Variants in P2RY6 observed in about 807,000 individuals in gnomAD.
P2RY6 encodes the protein pyrimidinergic receptor P2Y6.
In P2RY6, 19 loss-of-function variants were observed where a neutral mutation model predicts 16.3. The ratio of observed to expected loss-of-function variants is 1.16; its 90% CI spans 0.81 to 1.71. The LOEUF is 1.71. P2RY6 is among the 40% of genes most tolerant of loss of function. P2RY6 has a pLI of 0.00. For missense variants in P2RY6, 389 were observed against 455.5 expected (o/e 0.85, Z 1.33); for synonymous variants, 184 against 201.5 (o/e 0.91, Z 0.74).
intron 1 of P2RY6, among the ~76,000 whole-genome samples, chr11:73,279,173 T>A (rs1863659105): frequency 6.6e-6 from 1 of 152,200 alleles, no homozygotes; most frequent in Admixed American, 6.5e-5. Context: ...TTGTATATCT[T>A]CTTTGGAAAA....
At position 73,296,974 on chromosome 11, in the gene P2RY6, G is replaced by A. The variant is rs772176120; in HGVS notation, c.456G>A (p.Trp152Ter). The A allele has an allele frequency of 6.2e-7, 1 of 1,602,566 alleles. No individual in the cohort carries two copies. Among genetic ancestry groups the A allele is most frequent in the South Asian group, 1.1e-5 (1 of 91,084 alleles). Residue 152 changes from tryptophan to a stop codon, truncating the protein, a stop_gained, in exon 3 of 3, where the codon TGG becomes TGA. Transcript: ENST00000540124. LOFTEE classifies it high-confidence loss of function. ...CCTGGCTAGTGTGTGTAGCCGTGTGGCTGGCCGTGACAACCCAGTGCCTGC... is the reference window on the plus strand; with the variant it reads ...CCTGGCTAGTGTGTGTAGCCGTGTGACTGGCCGTGACAACCCAGTGCCTGC... ...RAAWLVCVAV[W>*]LAVTTQCLPT...
chr11:73,274,315 C>T (rs548732158), intron 1 of P2RY6, among the ~76,000 whole-genome samples: 7 of 151,988 alleles, frequency 4.6e-5, no homozygotes, highest in Admixed American at 2.6e-4. Context: ...AATGAAATAA[C>T]GTGAATAAAT....
At chr11:73,275,282 G>A (rs528089922) in intron 1 of P2RY6, among the ~76,000 whole-genome samples, 5 of 152,280 alleles carry the variant, frequency 3.3e-5, no homozygotes, top group East Asian at 3.8e-4. Context: ...GGCCTGGGAC[G>A]GAGTGGTGGC....
At chr11:73,277,117 T>A (rs2135705607) in intron 1 of P2RY6, among the ~76,000 whole-genome samples, 1 of 75,146 alleles carries the variant, frequency 1.3e-5, no homozygotes, top group South Asian at 2.8e-4. Context: ...GAAATACAGA[T>A]TTTTTTTTTT....
chr11:73,289,821 C>G (rs1272720348), intron 1 of P2RY6, among the ~76,000 whole-genome samples: 1 of 152,202 alleles, frequency 6.6e-6, no homozygotes, highest in African/African-American at 2.4e-5. Flanking sequence ...ACTCACTGGC[C>G]CTTCCTGAGC....
intron 1 of P2RY6, among the ~76,000 whole-genome samples, chr11:73,288,567 G>A (rs771430804): frequency 1.4e-4 from 22 of 152,178 alleles, no homozygotes; most frequent in African/African-American, 4.3e-4. Flanking sequence ...CTCTGCTTCC[G>A]GCCCTCTGTC....
chr11:73,296,609 C>T lies in P2RY6; in HGVS notation c.91C>T (p.Pro31Ser). 1 of 1,614,264 alleles carries T rather than the reference C, an allele frequency of 6.2e-7. No individual in the cohort carries two copies. Among genetic ancestry groups the T allele is most frequent in the Non-Finnish European group, 8.5e-7 (1 of 1,180,054 alleles). ...RENFKQLLLP[P>S]VYSAVLAAGL... ...GAACTTCAAGCAACTGCTGCTGCCA[C>T]CTGTGTATTCGGCGGTGCTGGCGGC... is the stretch of plus-strand genomic sequence containing the variant. The change falls in exon 3 of 3, where the codon CCT (proline) becomes TCT (serine). Residue 31 changes from proline (P) to serine (S), a missense_variant. Physicochemically the swap from Pro to Ser is moderately conservative, Grantham distance 74 (BLOSUM62 -1). Coordinates refer to ENST00000540124, the MANE Select transcript of P2RY6 (RefSeq NM_001277204.2).
intron 1 of P2RY6, among the ~76,000 whole-genome samples, chr11:73,272,871 C>T (rs1280842910): frequency 6.6e-6 from 1 of 152,098 alleles, no homozygotes; most frequent in African/African-American, 2.4e-5. Flanking sequence ...TCTCTCCCTG[C>T]GTATGTGAAC....
chr11:73,267,685 CA>C (rs2135677439), upstream of P2RY6, among the ~76,000 whole-genome samples: 1 of 152,300 alleles, frequency 6.6e-6, no homozygotes, highest in African/African-American at 2.4e-5. Context: ...CCAAAATTCA[CA>C]GTGATTAGCT....
chr11:73,297,468 A>G lies in P2RY6; in HGVS notation c.950A>G (p.Gln317Arg). 2 of 1,611,198 alleles carry G rather than the reference A, an allele frequency of 1.2e-6. No individual in the cohort carries two copies. The highest frequency in any genetic ancestry group is 1.3e-5 in the African/African-American group (1 of 75,038). ...CGCCGGCGACCACATGAGCTCCTAC[A>G]GAAACTCACAGCCAAATGGCAGAGG... ...KFRRRPHELL[Q>R]KLTAKWQRQG... The change falls in exon 3 of 3, where the codon CAG becomes CGG. Residue 317 changes from glutamine to arginine, a missense_variant. Gln to Arg is a conservative substitution (Grantham distance 43, BLOSUM62 1). Transcript: ENST00000540124.
At chr11:73,296,376 A>T in intron 2 of P2RY6, 109 bp from the exon 3 acceptor site, 1 of 970,588 alleles carries the variant, frequency 1.0e-6, no homozygotes, top group Non-Finnish European at 1.5e-6. Flanking sequence ...CGAGTTGACA[A>T]AGTTAGTGCC....
intron 1 of P2RY6, 27 bp from the exon 2 acceptor site, chr11:73,295,703 G>A (rs1004739299): frequency 5.5e-6 from 5 of 914,370 alleles, no homozygotes; most frequent in African/African-American, 1.8e-5. Context: ...GGGGAACTGG[G>A]TATCACCTCC....
chr11:73,277,746 A>G (rs1241403042), intron 1 of P2RY6, among the ~76,000 whole-genome samples: 4 of 152,250 alleles, frequency 2.6e-5, no homozygotes, highest in Non-Finnish European at 1.5e-5. Context: ...AGAGGAAGAC[A>G]TCATATTTGT....
rs373787400 is a variant in P2RY6, at chr11:73,295,064, G to A, written c.-120-666G>A. Among the ~76,000 whole-genome samples the A allele has an allele frequency of 1.3e-3, 194 of 152,310 alleles. 4 individuals are homozygous for A. In the South Asian group the frequency reaches 0.026, roughly 21 times the overall value. ...TTCCATCTGTAAAATGGCAAGAGAG[G>A]AGGATTAGATTCACTATCTCAAAGG... is the stretch of plus-strand genomic sequence containing the variant. On this transcript the variant is annotated intron_variant, in intron 1 of 2. Transcript: ENST00000540124.
Position 73,290,307 on chromosome 11 carries a change from G to A in P2RY6, c.-120-5423G>A, listed in dbSNP as rs867033585. ...GAAAGAAAGAAAGAAAGAAAGAAAA[G>A]AAAGAAAGAAAGAAAGAAAGAAAGA... On this transcript the variant is annotated intron_variant, in intron 1 of 2. Transcript: ENST00000540124. Among the ~76,000 whole-genome samples, 345 of 41,834 alleles carry A rather than the reference G, an allele frequency of 8.2e-3. 1 individual carries two copies. The highest frequency in any genetic ancestry group is 0.031 in the Middle Eastern group (3 of 96). 27.4% of individuals were successfully genotyped at this position (41,834 alleles called of 152,430 possible). A position where few individuals can be genotyped will look rare whatever the true frequency, so the allele number is the denominator to read the frequency against.
intron 2 of P2RY6, among the ~76,000 whole-genome samples, chr11:73,296,231 A>ATATATAT (rs1428431818): frequency 2.4e-5 from 3 of 123,068 alleles, no homozygotes; most frequent in Admixed American, 7.6e-5. Flanking sequence ...AGGAAAAAAA[A>ATATATAT]AAATATATAT....
chr11:73,269,272 A>C (rs1863207727), upstream of P2RY6, among the ~76,000 whole-genome samples: 1 of 152,128 alleles, frequency 6.6e-6, no homozygotes, highest in Admixed American at 6.5e-5. Context: ...GGAGGGTCTA[A>C]GGGGCTTCAA....
chr11:73,290,031 A>T (rs1222026983), intron 1 of P2RY6, among the ~76,000 whole-genome samples: 1 of 152,064 alleles, frequency 6.6e-6, no homozygotes, highest in Non-Finnish European at 1.5e-5. Flanking sequence ...AGACCAGCCT[A>T]ACCAACATGG....
intron 1 of P2RY6, among the ~76,000 whole-genome samples, chr11:73,281,973 G>T (rs894669343): frequency 1.3e-5 from 2 of 152,188 alleles, no homozygotes; most frequent in African/African-American, 4.8e-5. Context: ...CATCAGGCTT[G>T]ATGACTGGAC....
Sources: gnomAD v4.1 joint callset for allele counts (sites outside exome capture counted in the v4.1 genomes callset) on GRCh38, gnomAD v4.1.1 for gene constraint, MANE v1.5 for transcripts, NCBI Gene and HGNC (gene_info 2026-07-23, HGNC 2026-07-21) for gene names.